Variants in VWA5A observed in about 807,000 individuals in gnomAD.
VWA5A encodes the protein von Willebrand factor A domain containing 5A.
VWA5A carries 77 observed loss-of-function variants against 84.6 expected under a neutral mutation model. The observed-to-expected ratio is 0.91, with a 90% CI of 0.76 to 1.10. The LOEUF (loss-of-function observed/expected upper bound fraction) is 1.10. VWA5A is among the 50% of genes least tolerant of loss of function. VWA5A has a pLI of 0.00. For missense variants in VWA5A, 973 were observed against 963.0 expected, an observed-to-expected ratio of 1.01 and a Z score of -0.14; for synonymous variants, 334 against 350.1, an observed-to-expected ratio of 0.95 and a Z score of 0.51.
At chr11:124,117,602 A>G (rs1312737595) in intron 3 of VWA5A, 48 bp downstream of exon 3, 3 of 1,614,166 alleles carry the variant, frequency 1.9e-6, no homozygotes, top group Admixed American at 3.3e-5. Flanking sequence ...TTTGGCACCT[A>G]TCACAAGGCT....
intron 11 of VWA5A, among the ~76,000 whole-genome samples, chr11:124,127,359 TGGC>T (rs1865033958): frequency 1.3e-5 from 2 of 152,240 alleles, no homozygotes. Context: ...TCCTTTTTTA[TGGC>T]TGCATAGTAT....
intron 7 of VWA5A, among the ~76,000 whole-genome samples, chr11:124,120,330 C>T (rs191165896): frequency 8.5e-5 from 13 of 152,264 alleles, no homozygotes; most frequent in Admixed American, 3.9e-4. Flanking sequence ...TTCTGAGTTT[C>T]GGTGACACAG....
rs184908438 is a variant in VWA5A, at chr11:124,133,393, G to A, written c.1245-1527G>A. On this transcript the variant is annotated intron_variant, in intron 11 of 18. Coordinates refer to ENST00000456829, the MANE Select transcript of VWA5A (RefSeq NM_001130142.2). ...TTTAAGTCATCTGCTTTTGTACTTG[G>A]CACTTGCTTCAAAGGGTCAAGGAAC... Among the ~76,000 whole-genome samples, 673 of 152,274 alleles carry A rather than the reference G, an allele frequency of 4.4e-3. 9 individuals are homozygous for A. Among genetic ancestry groups the A allele is most frequent in the African/African-American group, 0.015 (634 of 41,554 alleles).
intron 2 of VWA5A, among the ~76,000 whole-genome samples, chr11:124,117,040 A>T (rs138891824): frequency 1.3e-5 from 2 of 152,198 alleles, no homozygotes; most frequent in African/African-American, 2.4e-5. Flanking sequence ...GATGTCTGTC[A>T]TCATTGATTA....
rs1252203511 is a variant in VWA5A at position 124,118,008 on chromosome 11, T to A, written c.246+133T>A. 5 of 1,324,332 alleles carry A rather than the reference T, an allele frequency of 3.8e-6. No homozygotes were observed. In the African/African-American group the frequency reaches 7.4e-5, roughly 20 times the overall value. 82.0% of individuals were successfully genotyped at this position (1,324,332 alleles called of 1,614,324 possible). On this transcript the variant is annotated intron_variant, in intron 4 of 18. Coordinates refer to ENST00000456829, the MANE Select transcript of VWA5A (RefSeq NM_001130142.2). Reference sequence around the variant, plus strand: ...TGATGTTGAAAGCTCTTTCTTCCACTCTTTTCTAACTGCCATTTTTCTAAA... The same window carrying A: ...TGATGTTGAAAGCTCTTTCTTCCACACTTTTCTAACTGCCATTTTTCTAAA...
At chr11:124,145,470 C>A in intron 18 of VWA5A, 107 bp downstream of exon 18, 1 of 1,378,818 alleles carries the variant, frequency 7.3e-7, no homozygotes, top group Non-Finnish European at 9.6e-7. Context: ...TGCTTCAGAT[C>A]TTTACTAATC....
intron 12 of VWA5A, among the ~76,000 whole-genome samples, chr11:124,135,486 T>C (rs1396609238): frequency 1.3e-5 from 2 of 151,814 alleles, no homozygotes; most frequent in Non-Finnish European, 2.9e-5. Flanking sequence ...CCATTTCATC[T>C]TTCTGCAAAA....
chr11:124,118,295 A>C lies in VWA5A; in HGVS notation c.353A>C (p.Gln118Pro). ...DVFSCNVGNL[Q>P]PGSKAAVTLK... ...TTCTCTTGCAATGTGGGTAACCTCCAACCTGGGTCGAAGGCGGCAGTCACC... is the reference window on the plus strand; with the variant it reads ...TTCTCTTGCAATGTGGGTAACCTCCCACCTGGGTCGAAGGCGGCAGTCACC... The change falls in exon 5 of 19, where the codon CAA (glutamine) becomes CCA (proline). Residue 118 changes from glutamine to proline, a missense_variant. Coordinates refer to ENST00000456829, the MANE Select transcript of VWA5A (RefSeq NM_001130142.2). 2 of 1,614,212 alleles carry C rather than the reference A, an allele frequency of 1.2e-6. No homozygotes were observed.
At chr11:124,141,768 T>A in intron 16 of VWA5A, 27 bp downstream of exon 16, 1 of 1,609,654 alleles carries the variant, frequency 6.2e-7, no homozygotes. Context: ...GAACATTTTC[T>A]CAACAATGTT....
At chr11:124,117,354 C>CT in intron 2 of VWA5A, 143 bp from the exon 3 acceptor site, 98 of 804,084 alleles carry the variant, frequency 1.2e-4, no homozygotes, top group Non-Finnish European at 1.6e-4. Flanking sequence ...TCTTTGTCTC[C>CT]TTTTTTTTAA....
rs1860753561 is a variant in VWA5A, at chr11:124,142,687, A to G, written c.2154+115A>G. 6.6e-6 allele frequency: 9 copies of G among 1,363,528 alleles called. No homozygotes were observed. In the Admixed American group the frequency reaches 1.7e-4, roughly 26 times the overall value. The allele number at this position is 1,363,528 out of a possible 1,614,324, so 84.5% of individuals were successfully genotyped here. A position where few individuals can be genotyped will look rare whatever the true frequency, so the allele number is the denominator to read the frequency against. On this transcript the variant is annotated intron_variant, in intron 17 of 18. Transcript: ENST00000456829. ...GAAAATATAGGGGGTCATAGACTAA[A>G]TTAATTTGTAATAAATAGAGGCTGA...
In VWA5A at chr11:124,136,124, A is replaced by C. The variant is rs1208960587; in HGVS notation, c.1360-5A>C. 1 of 1,613,498 alleles carries C rather than the reference A, an allele frequency of 6.2e-7. No individual in the cohort carries two copies. Among genetic ancestry groups the C allele is most frequent in the Admixed American group, 1.7e-5 (1 of 60,008 alleles). Reference sequence around the variant, plus strand: ...GTGTTTATTCTGTTCTCTTCCCCACATTAGGCTCTCAGGACTCTGAAACGC... The same window carrying C: ...GTGTTTATTCTGTTCTCTTCCCCACCTTAGGCTCTCAGGACTCTGAAACGC... On this transcript the variant is annotated splice_region_variant and splice_polypyrimidine_tract_variant and intron_variant, in intron 12 of 18. Transcript: ENST00000456829.
intron 15 of VWA5A, among the ~76,000 whole-genome samples, chr11:124,140,438 A>G (rs993728399): frequency 6.6e-5 from 10 of 152,116 alleles, no homozygotes; most frequent in Non-Finnish European, 2.9e-5. Flanking sequence ...TGAAAAAATC[A>G]GATATTATAT....
At chr11:124,123,572 C>G in intron 9 of VWA5A, 88 bp from the exon 10 acceptor site, 1 of 1,611,186 alleles carries the variant, frequency 6.2e-7, no homozygotes, top group South Asian at 1.1e-5. Flanking sequence ...ATAAGACTCT[C>G]TTTTAATGGG....
chr11:124,140,807 C>T (rs1314904440), intron 15 of VWA5A, among the ~76,000 whole-genome samples: 1 of 152,088 alleles, frequency 6.6e-6, no homozygotes, highest in Admixed American at 6.6e-5. Context: ...AGGCTGGTAG[C>T]AAGTTTGTAG....
At chr11:124,143,353 C>G (rs913627180) in intron 17 of VWA5A, among the ~76,000 whole-genome samples, 1 of 152,188 alleles carries the variant, frequency 6.6e-6, no homozygotes, top group Non-Finnish European at 1.5e-5. Flanking sequence ...TCATTCTAAA[C>G]TTTCAAAATG....
At chr11:124,125,365 CT>C (rs1008255038) in intron 11 of VWA5A, among the ~76,000 whole-genome samples, 4 of 151,694 alleles carry the variant, frequency 2.6e-5, no homozygotes, top group African/African-American at 9.7e-5. Context: ...TCCCTGCCAT[CT>C]CCGCCTCCTG....
intron 14 of VWA5A, 98 bp downstream of exon 14, chr11:124,136,772 C>G: frequency 2.3e-6 from 2 of 885,810 alleles, no homozygotes; most frequent in Admixed American, 2.2e-5. Context: ...CTCCCTCCCT[C>G]CCTCCCTCCT....
chr11:124,142,621 A>C (rs773160322), intron 17 of VWA5A, 49 bp downstream of exon 17: 13 of 1,609,016 alleles, frequency 8.1e-6, no homozygotes, highest in Admixed American at 1.7e-5. Context: ...GAGAGAGGTC[A>C]TCATTGAGAA....
Sources: gnomAD v4.1 joint callset for allele counts (sites outside exome capture counted in the v4.1 genomes callset) on GRCh38, gnomAD v4.1.1 for gene constraint, MANE v1.5 for transcripts, NCBI Gene and HGNC (gene_info 2026-07-23, HGNC 2026-07-21) for gene names.